TXLNG: variants seen among roughly 807,000 people sequenced by gnomAD.
TXLNG encodes taxilin gamma.
TXLNG carries 5 observed loss-of-function variants against 38.8 expected under a neutral mutation model. The observed-to-expected ratio is 0.13, with a 90% CI of 0.07 to 0.27. The LOEUF is 0.27. Ranked by LOEUF, TXLNG falls within the 10% of genes least tolerant of loss-of-function variation. The pLI, the probability that TXLNG is intolerant of heterozygous loss-of-function variation, is 1.00. For missense variants in TXLNG, 393 were observed against 398.2 expected, an observed-to-expected ratio of 0.99 and a Z score of 0.11; for synonymous variants, 182 against 158.2, an observed-to-expected ratio of 1.15 and a Z score of -1.13.
At chrX:16,796,077 G>A (rs1927879107) in intron 1 of TXLNG, among the ~76,000 whole-genome samples, 5 of 111,092 alleles carry the variant, frequency 4.5e-5, no homozygotes, top group Non-Finnish European at 9.4e-5. Flanking sequence ...GCCTCCCAAA[G>A]TGCTGGCATT....
rs1569275007 is a variant in TXLNG at position 16,841,852 on chromosome X, T to C, written c.*86T>C. On this transcript the variant is annotated 3_prime_UTR_variant, in exon 10 of 10. Transcript: ENST00000380122. ...TTAACTATTGGTTTTGTGGTGAAAA[T>C]TTTCTTACTTTTTCTACCATATCTG... is the stretch of plus-strand genomic sequence containing the variant. 17 of 960,327 alleles carry C rather than the reference T, an allele frequency of 1.8e-5. No individual in the cohort carries two copies. Among genetic ancestry groups the C allele is most frequent in the Non-Finnish European group, 2.4e-5 (17 of 701,100 alleles). 79.1% of individuals were successfully genotyped at this position (960,327 alleles called of 1,213,427 possible).
In TXLNG at chrX:16,839,524, G is replaced by A. The variant is rs1333607651; in HGVS notation, c.1153-297G>A. The A allele has an allele frequency of 2.5e-5, 4 of 161,811 alleles. No homozygotes were observed. The East Asian group carries it at 4.1e-4, about 16-fold the overall frequency. 13.3% of individuals were successfully genotyped at this position (161,811 alleles called of 1,213,427 possible). A position where few individuals can be genotyped will look rare whatever the true frequency, so the allele number is the denominator to read the frequency against. On this transcript the variant is annotated intron_variant, in intron 8 of 9. Transcript: ENST00000380122. ...CACTTCAGCCTTAACTGAGTTCAGA[G>A]TGTGGTGGCTGACAGCTTCCTCCAT...
chrX:16,839,005 C>G (rs1265104885), intron 8 of TXLNG, among the ~76,000 whole-genome samples: 1 of 111,989 alleles, frequency 8.9e-6, no homozygotes, highest in African/African-American at 3.3e-5. Flanking sequence ...CCTTGTTTCC[C>G]TTAACACCAC....
chrX:16,800,450 A>G (rs997835375), intron 1 of TXLNG, among the ~76,000 whole-genome samples: 2 of 107,974 alleles, frequency 1.9e-5, no homozygotes, highest in Non-Finnish European at 3.8e-5. Context: ...GTGTTGCTGT[A>G]TTGCCCAGGC....
intron 1 of TXLNG, among the ~76,000 whole-genome samples, chrX:16,808,654 A>AC (rs1928407906): frequency 9.0e-6 from 1 of 111,638 alleles, no homozygotes; most frequent in Non-Finnish European, 1.9e-5. Flanking sequence ...GGTATGTGCT[A>AC]CAGGGTATTT....
chrX:16,822,799 C>A (rs971184839), intron 3 of TXLNG, among the ~76,000 whole-genome samples: 2 of 112,006 alleles, frequency 1.8e-5, no homozygotes, highest in Non-Finnish European at 3.8e-5. Context: ...CTCAGACTCA[C>A]ACCGATCATT....
At chrX:16,789,259 G>A (rs977736841) in intron 1 of TXLNG, among the ~76,000 whole-genome samples, 2 of 110,353 alleles carry the variant, frequency 1.8e-5, no homozygotes, top group Non-Finnish European at 3.8e-5. Flanking sequence ...CTAGTCACTC[G>A]CGACCTGCTC....
Position 16,841,856 on chromosome X carries a change from C to A in TXLNG, c.*90C>A, listed in dbSNP as rs918854345. On this transcript the variant is annotated 3_prime_UTR_variant, in exon 10 of 10. Coordinates refer to ENST00000380122, the MANE Select transcript of TXLNG (RefSeq NM_018360.3). ...CTATTGGTTTTGTGGTGAAAATTTT[C>A]TTACTTTTTCTACCATATCTGTATT... 3.1e-6 allele frequency: 3 copies of A among 967,547 alleles called. No individual in the cohort carries two copies. Among genetic ancestry groups the A allele is most frequent in the Admixed American group, 6.1e-5 (2 of 32,568 alleles). 79.7% of individuals were successfully genotyped at this position (967,547 alleles called of 1,213,427 possible). A position where few individuals can be genotyped will look rare whatever the true frequency, so the allele number is the denominator to read the frequency against.
At chrX:16,793,974 A>T (rs190180569) in intron 1 of TXLNG, among the ~76,000 whole-genome samples, 1 of 112,010 alleles carries the variant, frequency 8.9e-6, no homozygotes, top group African/African-American at 3.2e-5. Flanking sequence ...TTCAAATATT[A>T]TAACAGTTCT....
chrX:16,796,672 ATAAG>A (rs1927899733), intron 1 of TXLNG, among the ~76,000 whole-genome samples: 1 of 111,262 alleles, frequency 9.0e-6, no homozygotes, highest in African/African-American at 3.3e-5. Context: ...GTGTAGTTGA[ATAAG>A]AAGGAAGTGG....
chrX:16,793,787 G>C (rs1927784230), intron 1 of TXLNG, among the ~76,000 whole-genome samples: 1 of 109,588 alleles, frequency 9.1e-6, no homozygotes, highest in African/African-American at 3.3e-5. Flanking sequence ...AGGACTACAG[G>C]TGTGTGTGCC....
intron 1 of TXLNG, among the ~76,000 whole-genome samples, chrX:16,816,981 C>T (rs1266375400): frequency 8.9e-6 from 1 of 111,783 alleles, no homozygotes; most frequent in African/African-American, 3.2e-5. Context: ...CAATGGTAAC[C>T]GCTATCCTGA....
At chrX:16,798,936 A>G (rs960937326) in intron 1 of TXLNG, among the ~76,000 whole-genome samples, 2 of 108,528 alleles carry the variant, frequency 1.8e-5, no homozygotes, top group African/African-American at 3.4e-5. Flanking sequence ...CTGGAGTGCA[A>G]TGGCGCAATC....
chrX:16,806,719 G>C (rs1280551767), intron 1 of TXLNG, among the ~76,000 whole-genome samples: 1 of 110,273 alleles, frequency 9.1e-6, no homozygotes, highest in Non-Finnish European at 1.9e-5. Flanking sequence ...AGATCAAGAC[G>C]ATCCTGGTTA....
rs1168645636 is a variant in TXLNG, at chrX:16,830,694, G to A, written c.864+924G>A. Among the ~76,000 whole-genome samples, 6 of 103,103 alleles carry A rather than the reference G, an allele frequency of 5.8e-5. No homozygotes were observed. The Admixed American group carries it at 6.3e-4, about 11-fold the overall frequency. 89.5% of individuals were successfully genotyped at this position (103,103 alleles called of 115,157 possible). ...TTTTACATACAGCCCTTCAAAAACT[G>A]CTATTTTTTTTTTAAAGATTTTATT... is the stretch of plus-strand genomic sequence containing the variant. On this transcript the variant is annotated intron_variant, in intron 5 of 9. Transcript: ENST00000380122.
rs1378168532 is a variant in TXLNG, at chrX:16,821,343, G to A, written c.498+1088G>A. Among the ~76,000 whole-genome samples, 4 of 108,993 alleles carry A rather than the reference G, an allele frequency of 3.7e-5. No individual in the cohort carries two copies. In the East Asian group the frequency reaches 1.2e-3, roughly 32 times the overall value. The allele number at this position is 108,993 out of a possible 115,157, so 94.6% of individuals were successfully genotyped here. The stretch of plus-strand genomic sequence containing the variant: ...TTTTAGTAGAGATGGGTTTCACCGT[G>A]TTAGCCAGGATGCTCTCCATCTCCT... On this transcript the variant is annotated intron_variant, in intron 3 of 9. Coordinates refer to ENST00000380122, the MANE Select transcript of TXLNG (RefSeq NM_018360.3).
intron 1 of TXLNG, chrX:16,803,344 A>G (rs1257269850): frequency 9.3e-6 from 1 of 107,509 alleles, no homozygotes; most frequent in Non-Finnish European, 1.9e-5. Flanking sequence ...ATGCAGTGCA[A>G]TACCCAGCTA....
intron 5 of TXLNG, among the ~76,000 whole-genome samples, chrX:16,830,948 C>A (rs1330528318): frequency 9.6e-6 from 1 of 104,546 alleles, no homozygotes; most frequent in African/African-American, 3.5e-5. Flanking sequence ...TCAGGTGATC[C>A]CCCTGTCTTG....
rs1228682976 is a variant in TXLNG, at chrX:16,843,350, GGTT to G, written c.*1587_*1589del. 3.0e-4 allele frequency: 34 copies of G among 111,942 alleles called. No homozygotes were observed. The highest frequency in any genetic ancestry group is 1.1e-3 in the African/African-American group (33 of 30,777). The allele number at this position is 111,942 out of a possible 1,213,427, so 9.2% of individuals were successfully genotyped here. A position where few individuals can be genotyped will look rare whatever the true frequency, so the allele number is the denominator to read the frequency against. On this transcript the variant is annotated 3_prime_UTR_variant, in exon 10 of 10. Transcript: ENST00000380122. ...TAGGAAACCGCCTGGAGTGGAGGAG[GGTT>G]GTATCTAAGCCTCCACTATCAGTCA...
Sources: allele counts gnomAD v4.1 joint callset (sites outside exome capture counted in the v4.1 genomes callset), GRCh38; gene constraint gnomAD v4.1.1; transcripts MANE v1.5; gene names NCBI Gene and HGNC (gene_info 2026-07-23, HGNC 2026-07-21).